The following ADAM17 variants were observed in gnomAD, a reference collection of about 807,000 sequenced individuals.
The protein encoded by ADAM17 is disintegrin and metalloproteinase domain-containing protein 17.
Under a neutral mutation model 96.7 loss-of-function variants are expected in ADAM17, and 39 were observed. That is an observed-to-expected ratio of 0.40 (90% CI 0.31 to 0.53). ADAM17 has a LOEUF of 0.53. ADAM17 is among the 20% of genes least tolerant of loss of function. The pLI is 0.44. For synonymous variants in ADAM17, 344 were observed against 359.2 expected, an observed-to-expected ratio of 0.96 and a Z score of 0.48; for missense variants, 777 against 1,013.2, an observed-to-expected ratio of 0.77 and a Z score of 3.17.
chr2:9,528,982 T>A (rs1572940234), intron 4 of ADAM17, among the ~76,000 whole-genome samples: 1 of 152,152 alleles, frequency 6.6e-6, no homozygotes, highest in African/African-American at 2.4e-5. Context: ...CAAGCAGTAA[T>A]GTAAATATAG....
chr2:9,547,011 T>G (rs531072048), intron 1 of ADAM17, among the ~76,000 whole-genome samples: 1 of 152,264 alleles, frequency 6.6e-6, no homozygotes, highest in East Asian at 1.9e-4. Flanking sequence ...CCAGCCCATA[T>G]TCTCTCTTTA....
At chr2:9,495,175 C>T (rs974964254) in intron 14 of ADAM17, among the ~76,000 whole-genome samples, 9 of 152,320 alleles carry the variant, frequency 5.9e-5, no homozygotes, top group African/African-American at 1.4e-4. Flanking sequence ...TCCCTGAAAG[C>T]GAGAGCAGCT....
rs1664356044 is a variant in ADAM17 at position 9,522,539 on chromosome 2, G to C, written c.843+710C>G. The C allele has an allele frequency of 2.0e-5, 10 of 489,506 alleles. No individual in the cohort carries two copies. The South Asian group carries it at 3.6e-4, about 18-fold the overall frequency. The allele number at this position is 489,506 out of a possible 1,614,324, so 30.3% of individuals were successfully genotyped here. A position where few individuals can be genotyped will look rare whatever the true frequency, so the allele number is the denominator to read the frequency against. Reference sequence around the variant, plus strand: ...TCAAAGTTTAACATTTATAAACATGGTGAATGATTTTTAAAAATTTTTTCA... The same window carrying C: ...TCAAAGTTTAACATTTATAAACATGCTGAATGATTTTTAAAAATTTTTTCA... On this transcript the variant is annotated intron_variant, in intron 7 of 18. Coordinates refer to ENST00000310823, the MANE Select transcript of ADAM17 (RefSeq NM_003183.6).
chr2:9,547,450 C>T (rs1489945821), intron 1 of ADAM17, among the ~76,000 whole-genome samples: 2 of 152,128 alleles, frequency 1.3e-5, no homozygotes, highest in East Asian at 1.9e-4. Flanking sequence ...ATGATCCCTG[C>T]CTGCTGAGTC....
chr2:9,533,378 C>A lies in ADAM17; in HGVS notation c.450+2456G>T, dbSNP rs148832468. Among the ~76,000 whole-genome samples the A allele has an allele frequency of 2.3e-3, 343 of 152,036 alleles. 2 individuals carry two copies. Among genetic ancestry groups the A allele is most frequent in the African/African-American group, 7.7e-3 (321 of 41,444 alleles). On this transcript the variant is annotated intron_variant, in intron 4 of 18. Coordinates refer to ENST00000310823, the MANE Select transcript of ADAM17 (RefSeq NM_003183.6). ...CCTGGCCAACATTGTGAAACCCTGT[C>A]TCTACCAAAAATACAAAAATTAGCT...
rs760803664 is a variant in ADAM17, at chr2:9,535,796, A to G, written c.450+38T>C. 1.5e-5 allele frequency: 20 copies of G among 1,335,750 alleles called. No individual in the cohort carries two copies. The African/African-American group carries it at 2.8e-4, about 19-fold the overall frequency. 82.7% of individuals were successfully genotyped at this position (1,335,750 alleles called of 1,614,324 possible). ...CTGAGCAGCTTTTTGAAAATCAGAG[A>G]TATAAGCTACTGAAAAAAAATTCAC... On this transcript the variant is annotated intron_variant, in intron 4 of 18. Transcript: ENST00000310823.
intron 1 of ADAM17, among the ~76,000 whole-genome samples, chr2:9,550,972 G>T (rs957937053): frequency 6.6e-6 from 1 of 151,680 alleles, no homozygotes; most frequent in African/African-American, 2.4e-5. Context: ...CTATTCGTGA[G>T]GCTGAGGCAC....
intron 10 of ADAM17, among the ~76,000 whole-genome samples, chr2:9,514,510 AAAATAT>A (rs1377892445): frequency 9.0e-6 from 1 of 110,584 alleles, no homozygotes; most frequent in African/African-American, 3.4e-5. Flanking sequence ...ACTTAAATTT[AAAATAT>A]AAATATATAT....
At chr2:9,548,337 A>G (rs940761042) in intron 1 of ADAM17, among the ~76,000 whole-genome samples, 4 of 152,132 alleles carry the variant, frequency 2.6e-5, no homozygotes, top group African/African-American at 9.7e-5. Flanking sequence ...ATCCCCCCCA[A>G]AAAAGAAAGA....
At chr2:9,534,186 T>C (rs1463948741) in intron 4 of ADAM17, among the ~76,000 whole-genome samples, 2 of 152,094 alleles carry the variant, frequency 1.3e-5, no homozygotes, top group Admixed American at 6.6e-5. Context: ...CTGGCCAACA[T>C]GGTGAAACCC....
chr2:9,490,564 TCGGAGG>T, intron 18 of ADAM17, 46 bp from the exon 19 acceptor site: 1 of 1,531,876 alleles, frequency 6.5e-7, no homozygotes, highest in South Asian at 1.2e-5. Flanking sequence ...AAAAGATGAA[TCGGAGG>T]TCCTCACAGC....
intron 1 of ADAM17, among the ~76,000 whole-genome samples, chr2:9,552,546 A>G (rs1203254673): frequency 6.6e-6 from 1 of 152,250 alleles, no homozygotes; most frequent in African/African-American, 2.4e-5. Context: ...GCACTGCAAT[A>G]TGGAGAATCC....
rs55820761 is a variant in ADAM17, at chr2:9,497,469, C to T, written c.1649-221G>A. On this transcript the variant is annotated intron_variant, in intron 13 of 18. Coordinates refer to ENST00000310823, the MANE Select transcript of ADAM17 (RefSeq NM_003183.6). ...CTAGGCTGCATGAGTCCCTGGCCTC[C>T]CAAGCCCCAGTTAGAATGCATGGTC... Among the ~76,000 whole-genome samples the T allele has an allele frequency of 2.7e-3, 404 of 152,318 alleles. 13 individuals are homozygous for T. The East Asian group carries it at 0.067, about 25-fold the overall frequency.
intron 1 of ADAM17, among the ~76,000 whole-genome samples, chr2:9,550,429 G>T (rs1053565366): frequency 2.1e-5 from 3 of 145,656 alleles, no homozygotes; most frequent in African/African-American, 5.1e-5. Context: ...ACCTGTATCC[G>T]ATACTCATTC....
intron 2 of ADAM17, among the ~76,000 whole-genome samples, chr2:9,538,338 G>A (rs1018525346): frequency 6.6e-6 from 1 of 152,078 alleles, no homozygotes; most frequent in Admixed American, 6.5e-5. Context: ...ATCTAGACTG[G>A]GACTATCTCC....
chr2:9,536,404 A>G (rs976115394), intron 3 of ADAM17, among the ~76,000 whole-genome samples: 1 of 152,222 alleles, frequency 6.6e-6, no homozygotes, highest in African/African-American at 2.4e-5. Flanking sequence ...TTAAAATATC[A>G]TAAAGAAAGC....
At chr2:9,553,978 C>G (rs538183316) in intron 1 of ADAM17, among the ~76,000 whole-genome samples, 9 of 151,924 alleles carry the variant, frequency 5.9e-5, no homozygotes, top group Admixed American at 5.2e-4. Context: ...AGGTGAACTG[C>G]TTGAACCCCG....
chr2:9,492,836 C>T, intron 17 of ADAM17, 62 bp downstream of exon 17: 2 of 1,401,592 alleles, frequency 1.4e-6, no homozygotes, highest in South Asian at 1.4e-5. Flanking sequence ...CCAGAGATTA[C>T]ATGGTTGGAG....
At chr2:9,512,802 T>C (rs1046901788) in intron 10 of ADAM17, among the ~76,000 whole-genome samples, 4 of 152,084 alleles carry the variant, frequency 2.6e-5, no homozygotes, top group Non-Finnish European at 4.4e-5. Flanking sequence ...GAAGCCTCCA[T>C]AAAATCTCAA....
Sources: allele counts gnomAD v4.1 joint callset (sites outside exome capture counted in the v4.1 genomes callset), GRCh38; gene constraint gnomAD v4.1.1; transcripts MANE v1.5; gene names NCBI Gene and HGNC (gene_info 2026-07-23, HGNC 2026-07-21).